Variants in KCNU1 observed in about 807,000 individuals in gnomAD.
KCNU1 encodes the protein potassium calcium-activated channel subfamily U member 1.
A neutral mutation model predicts 126.8 loss-of-function variants in KCNU1; 93 were observed. The observed-to-expected ratio is 0.73, with a 90% CI of 0.62 to 0.87. The LOEUF (loss-of-function observed/expected upper bound fraction) is 0.87. Ranked by LOEUF, KCNU1 falls within the 40% of genes least tolerant of loss-of-function variation. The pLI is 0.00. For missense variants in KCNU1, 1,330 were observed against 1,367.1 expected (o/e 0.97, Z 0.43); for synonymous variants, 523 against 494.2 (o/e 1.06, Z -0.77).
intron 14 of KCNU1, among the ~76,000 whole-genome samples, chr8:36,839,960 A>G (rs938501181): frequency 1.3e-5 from 2 of 152,300 alleles, no homozygotes; most frequent in African/African-American, 4.8e-5. Context: ...TCTCTCTTCC[A>G]TGCATCAGGA....
chr8:36,784,677 A>G (rs1802650791), intron 1 of KCNU1, 72 bp downstream of exon 1: 2 of 1,159,296 alleles, frequency 1.7e-6, no homozygotes, highest in Admixed American at 2.5e-5. Flanking sequence ...TGTTTAGTAA[A>G]AGATCTAAGC....
At chr8:36,840,629 A>G (rs1268748409) in intron 15 of KCNU1, 54 bp downstream of exon 15, 2 of 1,031,794 alleles carry the variant, frequency 1.9e-6, no homozygotes, top group Non-Finnish European at 3.0e-6. Flanking sequence ...TTCTTTCAAC[A>G]ACGTTCACTG....
At chr8:36,928,157 T>G (rs369652800) in intron 24 of KCNU1, among the ~76,000 whole-genome samples, 8 of 152,144 alleles carry the variant, frequency 5.3e-5, no homozygotes, top group African/African-American at 1.7e-4. Flanking sequence ...AATCCCATTA[T>G]TTTTCTCAAT....
intron 10 of KCNU1, among the ~76,000 whole-genome samples, chr8:36,826,367 G>C (rs868691579): frequency 6.6e-6 from 1 of 151,724 alleles, no homozygotes. Flanking sequence ...CCACCACCAC[G>C]CCTGGCTAAT....
intron 5 of KCNU1, among the ~76,000 whole-genome samples, chr8:36,807,153 A>G (rs1183973525): frequency 6.6e-6 from 1 of 152,188 alleles, no homozygotes; most frequent in Non-Finnish European, 1.5e-5. Flanking sequence ...CCCATCTTAC[A>G]GATAAGGAAC....
At chr8:36,879,209 G>A (rs57479522) in intron 19 of KCNU1, among the ~76,000 whole-genome samples, 90 of 86,664 alleles carry the variant, frequency 1.0e-3, no homozygotes, top group South Asian at 3.0e-3. Context: ...GTGTGTGTGT[G>A]TGTATATATA....
chr8:36,925,485 A>G (rs970465921), intron 24 of KCNU1, among the ~76,000 whole-genome samples: 18 of 152,200 alleles, frequency 1.2e-4, no homozygotes, highest in African/African-American at 4.3e-4. Context: ...CTATTTAATG[A>G]TGAGCTGAAC....
intron 19 of KCNU1, among the ~76,000 whole-genome samples, chr8:36,902,033 T>G (rs1334857012): frequency 2.0e-5 from 3 of 152,176 alleles, no homozygotes; most frequent in Non-Finnish European, 2.9e-5. Context: ...TATGTTTCTA[T>G]GAGGATCATG....
chr8:36,830,544 G>A (rs1325993498), intron 10 of KCNU1, among the ~76,000 whole-genome samples: 2 of 151,910 alleles, frequency 1.3e-5, no homozygotes, highest in Non-Finnish European at 2.9e-5. Flanking sequence ...GTATTGGTTA[G>A]GAAGTATTTC....
chr8:36,910,986 G>A lies in KCNU1; in HGVS notation c.2388G>A (p.Met796Ile), dbSNP rs750557498. 1.4e-4 allele frequency: 232 copies of A among 1,613,476 alleles called. No homozygotes were observed. The highest frequency in any genetic ancestry group is 1.9e-4 in the Non-Finnish European group (221 of 1,179,762). ...CGGCCAACATAGAGCAATGCTCCAT[G>A]TGTGCTGTCTTGTCCCCCCCACCCC... ...LHAANIEQCS[M>I]CAVLSPPPQP... The change falls in exon 22 of 27, where the codon ATG becomes ATA. Residue 796 changes from methionine (M) to isoleucine (I), a missense_variant. Around this residue, in one of 3 missense-constraint regions of KCNU1, gnomAD observed 1,054 missense variants for 1,053.9 expected, o/e 1.00. Coordinates refer to ENST00000399881, the MANE Select transcript of KCNU1 (RefSeq NM_001031836.3).
In KCNU1 at chr8:36,876,683, G is replaced by A. The variant is rs181064107; in HGVS notation, c.2009+12162G>A. Among the ~76,000 whole-genome samples the A allele has an allele frequency of 3.6e-3, 554 of 152,056 alleles. 5 individuals carry two copies. Among genetic ancestry groups the A allele is most frequent in the Middle Eastern group, 0.01 (3 of 294 alleles). ...CTTCTTCCTCCTTTCCTCTCCTTCAGTTCACCTTGCAGCCACTACATTTGG... is the reference window on the plus strand; with the variant it reads ...CTTCTTCCTCCTTTCCTCTCCTTCAATTCACCTTGCAGCCACTACATTTGG... On this transcript the variant is annotated intron_variant, in intron 19 of 26. Transcript: ENST00000399881.
intron 19 of KCNU1, among the ~76,000 whole-genome samples, chr8:36,899,152 T>G (rs1189987905): frequency 6.6e-6 from 1 of 152,060 alleles, no homozygotes; most frequent in Non-Finnish European, 1.5e-5. Flanking sequence ...TCATCAGAAA[T>G]AAAGCAAAGC....
At chr8:36,902,947 T>G (rs1391173700) in intron 19 of KCNU1, among the ~76,000 whole-genome samples, 1 of 152,142 alleles carries the variant, frequency 6.6e-6, no homozygotes, top group African/African-American at 2.4e-5. Flanking sequence ...ACCTTGAAGC[T>G]TATATGTTAC....
rs1421407122 is a variant in KCNU1, at chr8:36,845,561, GTTTAT to G, written c.1704-15_1704-11del. 6.9e-7 allele frequency: 1 copy of G among 1,457,990 alleles called. No individual in the cohort carries two copies. The highest frequency in any genetic ancestry group is 9.6e-7 in the Non-Finnish European group (1 of 1,040,680). The allele number at this position is 1,457,990 out of a possible 1,614,324, so 90.3% of individuals were successfully genotyped here. A position where few individuals can be genotyped will look rare whatever the true frequency, so the allele number is the denominator to read the frequency against. ...AAATCAGAGGGAAACATTACCATGT[GTTTAT>G]TTTTTGTTTCCAGTGGTCTGATACT... On this transcript the variant is annotated splice_polypyrimidine_tract_variant and intron_variant, in intron 16 of 26. Transcript: ENST00000399881.
At chr8:36,871,695 A>G (rs1806109347) in intron 19 of KCNU1, among the ~76,000 whole-genome samples, 1 of 152,100 alleles carries the variant, frequency 6.6e-6, no homozygotes. Flanking sequence ...AACTAAAAAC[A>G]AATTCTCCTG....
At chr8:36,887,417 T>C (rs1806749523) in intron 19 of KCNU1, among the ~76,000 whole-genome samples, 1 of 152,090 alleles carries the variant, frequency 6.6e-6, no homozygotes, top group Non-Finnish European at 1.5e-5. Context: ...CGTTGAGCAT[T>C]TTTTCACATG....
intron 20 of KCNU1, among the ~76,000 whole-genome samples, chr8:36,906,253 G>GC (rs1807625024): frequency 6.7e-6 from 1 of 149,462 alleles, no homozygotes; most frequent in African/African-American, 2.5e-5. Context: ...TTCTGTAGTG[G>GC]TTTTTCTTAA....
At chr8:36,818,334 G>A (rs1466700821) in intron 10 of KCNU1, among the ~76,000 whole-genome samples, 1 of 151,710 alleles carries the variant, frequency 6.6e-6, no homozygotes, top group Non-Finnish European at 1.5e-5. Flanking sequence ...TTGACTGTTG[G>A]CTTTTCTCTT....
In KCNU1 at chr8:36,897,331, CTT is replaced by C. The variant is rs377534218; in HGVS notation, c.2010-8372_2010-8371del. Among the ~76,000 whole-genome samples the C allele has an allele frequency of 9.5e-3, 1,439 of 151,894 alleles. 15 individuals are homozygous for C. The highest frequency in any genetic ancestry group is 0.032 in the African/African-American group (1,326 of 41,430). ...ATTCTCTCTCTTTTTCTCTGTCTATCTTTTTTCTCTCCCCCCATAAATGGCTG... is the reference window on the plus strand; with the variant it reads ...ATTCTCTCTCTTTTTCTCTGTCTATCTTTTCTCTCCCCCCATAAATGGCTG... On this transcript the variant is annotated intron_variant, in intron 19 of 26. Coordinates refer to ENST00000399881, the MANE Select transcript of KCNU1 (RefSeq NM_001031836.3).
Sources: allele counts gnomAD v4.1 joint callset (sites outside exome capture counted in the v4.1 genomes callset), GRCh38; gene constraint gnomAD v4.1.1; regional missense constraint gnomAD v4.1.1; transcripts MANE v1.5; gene names NCBI Gene and HGNC (gene_info 2026-07-23, HGNC 2026-07-21).